ZBTB20: variants seen among roughly 807,000 people sequenced by gnomAD.
ZBTB20 encodes zinc finger and BTB domain containing 20, also known as zinc finger and BTB domain-containing protein 20.
ZBTB20 carries 9 observed loss-of-function variants against 56.9 expected under a neutral mutation model. That is an observed-to-expected ratio of 0.16 (90% confidence interval 0.10 to 0.28). ZBTB20 has a LOEUF of 0.28. ZBTB20 is among the 10% of genes least tolerant of loss of function. The pLI is 1.00. For missense variants in ZBTB20, 655 were observed against 1,003.0 expected (o/e 0.65, Z 4.69); for synonymous variants, 417 against 420.7 (o/e 0.99, Z 0.11).
intron 5 of ZBTB20, chr3:114,743,514 G>T: frequency 6.5e-6 from 1 of 154,026 alleles, no homozygotes; most frequent in East Asian, 2.0e-4. Flanking sequence ...ACAGAGTATA[G>T]ACACAAATTT....
chr3:114,983,475 ATT>A (rs2078412891), intron 2 of ZBTB20, among the ~76,000 whole-genome samples: 1 of 151,950 alleles, frequency 6.6e-6, no homozygotes, highest in South Asian at 2.1e-4. Flanking sequence ...TTGTCTTCAT[ATT>A]TCATGGTCAA....
chr3:115,020,349 A>G (rs1339896666), intron 2 of ZBTB20, among the ~76,000 whole-genome samples: 1 of 151,190 alleles, frequency 6.6e-6, no homozygotes, highest in Non-Finnish European at 1.5e-5. Context: ...GTATTTTCAC[A>G]ACAGTTCAAA....
At chr3:114,524,054 T>C (rs1282936866) in intron 6 of ZBTB20, among the ~76,000 whole-genome samples, 1 of 152,138 alleles carries the variant, frequency 6.6e-6, no homozygotes, top group Non-Finnish European at 1.5e-5. Context: ...GAGAGCACAG[T>C]TAAGTCAGAG....
intron 1 of ZBTB20, among the ~76,000 whole-genome samples, chr3:115,106,154 G>C (rs2083716100): frequency 6.6e-6 from 1 of 151,674 alleles, no homozygotes; most frequent in African/African-American, 2.4e-5. Flanking sequence ...ATGAGTAATT[G>C]CTACGCTAAG....
intron 6 of ZBTB20, among the ~76,000 whole-genome samples, chr3:114,670,369 C>T (rs748032371): frequency 5.3e-5 from 8 of 152,006 alleles, no homozygotes; most frequent in Non-Finnish European, 1.2e-4. Context: ...CTGGATTAGC[C>T]TCACAAAGAA....
intron 3 of ZBTB20, among the ~76,000 whole-genome samples, chr3:114,958,190 T>C (rs971933976): frequency 2.8e-4 from 43 of 152,240 alleles, no homozygotes; most frequent in Admixed American, 1.8e-3. Context: ...TCACTATCAA[T>C]TTATGTTGAT....
intron 4 of ZBTB20, among the ~76,000 whole-genome samples, chr3:114,865,967 G>A (rs1341608884): frequency 1.3e-5 from 2 of 152,142 alleles, no homozygotes; most frequent in Admixed American, 6.5e-5. Flanking sequence ...GGAGTCCAAC[G>A]CCAGAGGCTT....
chr3:114,356,459 C>T (rs1437254672), intron 10 of ZBTB20, among the ~76,000 whole-genome samples: 2 of 152,138 alleles, frequency 1.3e-5, no homozygotes, highest in African/African-American at 2.4e-5. Flanking sequence ...GGGTAAGATG[C>T]TACAGAGGGG....
In ZBTB20 at chr3:114,624,416, C is replaced by T. The variant is rs1036043373; in HGVS notation, c.-295+69112G>A. ...AGGAATGTACATTATTGTCTCCCGA[C>T]GGAAAACTTTACACCACACCAGAAT... is the stretch of plus-strand genomic sequence containing the variant. On this transcript the variant is annotated intron_variant, in intron 6 of 11. Coordinates refer to ENST00000675478, the MANE Select transcript of ZBTB20 (RefSeq NM_001348800.3). 5.3e-5 allele frequency among the ~76,000 whole-genome samples: 8 copies of T among 150,500 alleles called. No homozygotes were observed. In the South Asian group the frequency reaches 6.3e-4, roughly 12 times the overall value.
At chr3:114,997,271 T>C (rs1449215408) in intron 2 of ZBTB20, among the ~76,000 whole-genome samples, 3 of 151,840 alleles carry the variant, frequency 2.0e-5, no homozygotes, top group African/African-American at 4.8e-5. Context: ...GAATGACTGC[T>C]AGATCCACAG....
At chr3:115,107,285 T>A (rs1344516913) in intron 1 of ZBTB20, among the ~76,000 whole-genome samples, 3 of 152,088 alleles carry the variant, frequency 2.0e-5, no homozygotes, top group African/African-American at 7.2e-5. Flanking sequence ...CCTTGTATGA[T>A]GGCATGCACC....
intron 4 of ZBTB20, among the ~76,000 whole-genome samples, chr3:114,858,117 T>C (rs1162581648): frequency 6.6e-6 from 1 of 152,192 alleles, no homozygotes; most frequent in Non-Finnish European, 1.5e-5. Flanking sequence ...ACAAGCTTAT[T>C]TTTACTAATA....
At chr3:114,585,440 CTCATA>C (rs535401400) in intron 6 of ZBTB20, among the ~76,000 whole-genome samples, 46 of 152,256 alleles carry the variant, frequency 3.0e-4, no homozygotes, top group African/African-American at 1.0e-3. Flanking sequence ...AGTTTCCCAT[CTCATA>C]TCATTCTATA....
At chr3:114,545,414 A>G (rs2049760012) in intron 6 of ZBTB20, among the ~76,000 whole-genome samples, 1 of 152,192 alleles carries the variant, frequency 6.6e-6, no homozygotes, top group African/African-American at 2.4e-5. Flanking sequence ...AAAAGGCATC[A>G]GGGTGCGAGG....
intron 5 of ZBTB20, among the ~76,000 whole-genome samples, chr3:114,741,075 T>C (rs919000755): frequency 1.4e-4 from 21 of 152,220 alleles, no homozygotes; most frequent in Non-Finnish European, 1.5e-5. Flanking sequence ...CCCTATTTCC[T>C]ACGGTTACCA....
At chr3:114,735,149 T>C (rs572887321) in intron 5 of ZBTB20, among the ~76,000 whole-genome samples, 2 of 152,266 alleles carry the variant, frequency 1.3e-5, no homozygotes, top group South Asian at 2.1e-4. Flanking sequence ...TATTCCTTTG[T>C]ATATTTGCCA....
chr3:114,521,950 G>A (rs968573320), intron 6 of ZBTB20, among the ~76,000 whole-genome samples: 1 of 151,992 alleles, frequency 6.6e-6, no homozygotes, highest in Non-Finnish European at 1.5e-5. Flanking sequence ...TTCATACAAC[G>A]AATATTTACT....
At chr3:114,949,670 A>G (rs530936936) in intron 3 of ZBTB20, among the ~76,000 whole-genome samples, 3 of 144,490 alleles carry the variant, frequency 2.1e-5, no homozygotes, top group East Asian at 3.9e-4. Context: ...TGGGAAGCTG[A>G]GGCAGGAGAA....
intron 1 of ZBTB20, among the ~76,000 whole-genome samples, chr3:115,105,790 C>T (rs2083702522): frequency 6.6e-6 from 1 of 151,940 alleles, no homozygotes; most frequent in African/African-American, 2.4e-5. Flanking sequence ...AGCAAGAATT[C>T]AATTGTAAAG....
Sources: gnomAD v4.1 joint callset for allele counts (sites outside exome capture counted in the v4.1 genomes callset) on GRCh38, gnomAD v4.1.1 for gene constraint, MANE v1.5 for transcripts, NCBI Gene and HGNC (gene_info 2026-07-23, HGNC 2026-07-21) for gene names.